FER1L6: variants seen among roughly 807,000 people sequenced by gnomAD.
The protein encoded by FER1L6 is fer-1 like family member 6.
FER1L6 carries 177 observed loss-of-function variants against 219.2 expected under a neutral mutation model. The ratio of observed to expected loss-of-function variants is 0.81; its 90% confidence interval spans 0.71 to 0.91. The LOEUF is 0.91. Among genes scored for constraint, FER1L6 ranks in the 40% least tolerant of loss-of-function variants. FER1L6 has a pLI of 0.00. For missense variants in FER1L6, 2,153 were observed against 2,259.9 expected (o/e 0.95, Z 0.96); for synonymous variants, 768 against 824.3 (o/e 0.93, Z 1.17).
intron 33 of FER1L6, among the ~76,000 whole-genome samples, chr8:124,088,649 C>A (rs1007026454): frequency 6.6e-6 from 1 of 151,978 alleles, no homozygotes; most frequent in East Asian, 1.9e-4. Flanking sequence ...AACCCAAGGC[C>A]CATGGCAAGT....
chr8:124,091,426 A>C lies in FER1L6; in HGVS notation c.4395A>C (p.Glu1465Asp), dbSNP rs757667439. The C allele has an allele frequency of 6.2e-7, 1 of 1,613,640 alleles. No homozygotes were observed. The highest frequency in any genetic ancestry group is 1.3e-5 in the African/African-American group (1 of 75,058). The change falls in exon 34 of 41, where the codon GAA (glutamate) becomes GAC (aspartate). Residue 1465 changes from glutamate (E) to aspartate (D), a missense_variant. Transcript: ENST00000522917. ...GTGTTCTCCCTCCACTTTTCAGAGA[A>C]GGATACAATGCCTGGAGAGACACGT... is the stretch of plus-strand genomic sequence containing the variant. ...ICGLQSQYEI[E>D]GYNAWRDTSK...
Position 124,064,549 on chromosome 8 carries a change from G to T in FER1L6, c.3531G>T (p.Glu1177Asp). ...LEPEHTPVAQ[E>D]PPKDGKPKDP... ...CTGAACACACACCTGTAGCCCAGGA[G>T]CCACCAAAAGATGGAAAACCTAAGG... The change falls in exon 26 of 41, where the codon GAG (glutamate) becomes GAT (aspartate). Residue 1177 changes from glutamate (E) to aspartate (D), a missense_variant. Glu to Asp is a conservative substitution (Grantham distance 45, BLOSUM62 2). Coordinates refer to ENST00000522917, the MANE Select transcript of FER1L6 (RefSeq NM_001039112.2). 1 of 1,609,764 alleles carries T rather than the reference G, an allele frequency of 6.2e-7. No homozygotes were observed. The highest frequency in any genetic ancestry group is 8.5e-7 in the Non-Finnish European group (1 of 1,178,984).
At chr8:123,869,923 G>T (rs1300903192) in intron 1 of FER1L6, among the ~76,000 whole-genome samples, 2 of 152,120 alleles carry the variant, frequency 1.3e-5, no homozygotes, top group Non-Finnish European at 2.9e-5. Flanking sequence ...CTTTTACAAA[G>T]GTGCAAAGGC....
At chr8:123,895,739 G>A (rs1416129382) in intron 1 of FER1L6, among the ~76,000 whole-genome samples, 2 of 152,210 alleles carry the variant, frequency 1.3e-5, no homozygotes, top group Non-Finnish European at 2.9e-5. Context: ...TGAAGACAGA[G>A]CCCTGAGAAA....
intron 13 of FER1L6, among the ~76,000 whole-genome samples, 175 bp downstream of exon 13, chr8:124,003,522 T>A (rs1292571794): frequency 7.2e-6 from 1 of 138,408 alleles, no homozygotes; most frequent in Non-Finnish European, 1.5e-5. Flanking sequence ...GAGTGCAGTG[T>A]GCAGTGGCAC....
At chr8:123,922,173 C>G (rs1461589145) in intron 1 of FER1L6, among the ~76,000 whole-genome samples, 2 of 152,190 alleles carry the variant, frequency 1.3e-5, no homozygotes, top group Non-Finnish European at 2.9e-5. Context: ...ACCCGGTGCC[C>G]TGCTCCCAGC....
At chr8:124,118,737 T>C in intron 39 of FER1L6, 107 bp from the exon 40 acceptor site, 1 of 961,548 alleles carries the variant, frequency 1.0e-6, no homozygotes, top group Non-Finnish European at 1.5e-6. Flanking sequence ...AGCGGGATAA[T>C]CAAAATACTT....
At chr8:123,887,120 T>TAGTACATAG (rs1817217782) in intron 1 of FER1L6, among the ~76,000 whole-genome samples, 1 of 152,190 alleles carries the variant, frequency 6.6e-6, no homozygotes, top group Admixed American at 6.5e-5. Context: ...AGTTCCTGTT[T>TAGTACATAG]TCCTGTACAT....
intron 1 of FER1L6, among the ~76,000 whole-genome samples, chr8:123,889,933 CACATTCAGAG>C (rs1405567568): frequency 3.9e-5 from 6 of 152,106 alleles, no homozygotes; most frequent in African/African-American, 1.4e-4. Flanking sequence ...TATCCTTGTG[CACATTCAGAG>C]AAAACAAAGT....
chr8:123,943,609 G>C (rs533476354), intron 1 of FER1L6, among the ~76,000 whole-genome samples: 2 of 152,112 alleles, frequency 1.3e-5, no homozygotes, highest in Admixed American at 6.5e-5. Flanking sequence ...CTGCTGGGCC[G>C]ACCTCCTGGG....
chr8:124,080,226 T>C (rs1821478480), intron 32 of FER1L6, among the ~76,000 whole-genome samples: 1 of 152,148 alleles, frequency 6.6e-6, no homozygotes, highest in South Asian at 2.1e-4. Context: ...CAAACCACCC[T>C]TGCATCTAGG....
intron 39 of FER1L6, among the ~76,000 whole-genome samples, chr8:124,107,123 T>C (rs977388102): frequency 3.9e-5 from 6 of 151,958 alleles, no homozygotes; most frequent in African/African-American, 1.4e-4. Flanking sequence ...TAATTTTTTG[T>C]ATTTTTAGTA....
At chr8:123,947,042 T>C (rs1365978206) in intron 1 of FER1L6, among the ~76,000 whole-genome samples, 6 of 151,926 alleles carry the variant, frequency 3.9e-5, no homozygotes, top group African/African-American at 1.5e-4. Context: ...ATCCCAGCAC[T>C]TAGGGAGGCC....
At chr8:124,076,530 G>A (rs1821300956) in intron 32 of FER1L6, among the ~76,000 whole-genome samples, 1 of 152,148 alleles carries the variant, frequency 6.6e-6, no homozygotes, top group Non-Finnish European at 1.5e-5. Flanking sequence ...GAGGAATTTG[G>A]TGGTACTTGG....
chr8:124,081,469 GT>G (rs957635231), intron 32 of FER1L6, among the ~76,000 whole-genome samples: 12 of 152,118 alleles, frequency 7.9e-5, no homozygotes, highest in African/African-American at 2.7e-4. Context: ...AGTTGCTAGT[GT>G]TCTCTAGATT....
chr8:123,955,952 C>T (rs1046928593), intron 1 of FER1L6, 40 bp from the exon 2 acceptor site: 2 of 1,555,836 alleles, frequency 1.3e-6, no homozygotes, highest in African/African-American at 1.4e-5. Context: ...GTCTAAATGA[C>T]TCAAAGTTTT....
At chr8:123,988,055 G>A (rs574117924) in intron 12 of FER1L6, among the ~76,000 whole-genome samples, 13 of 151,522 alleles carry the variant, frequency 8.6e-5, no homozygotes, top group South Asian at 2.1e-4. Flanking sequence ...CTGAGATTGC[G>A]CCACTGCACT....
intron 39 of FER1L6, among the ~76,000 whole-genome samples, chr8:124,113,977 G>T (rs563404827): frequency 6.6e-6 from 1 of 152,266 alleles, no homozygotes; most frequent in Non-Finnish European, 1.5e-5. Context: ...GTTAGCAAAG[G>T]GTAACGTGGT....
At chr8:123,924,853 C>T (rs1174665989) in intron 1 of FER1L6, 2 of 152,142 alleles carry the variant, frequency 1.3e-5, no homozygotes, top group South Asian at 4.1e-4. Flanking sequence ...GCGTACTGTT[C>T]ACCTCCCTGT....
Sources: allele counts gnomAD v4.1 joint callset (sites outside exome capture counted in the v4.1 genomes callset), GRCh38; gene constraint gnomAD v4.1.1; transcripts MANE v1.5; gene names NCBI Gene and HGNC (gene_info 2026-07-23, HGNC 2026-07-21).